The following CRIPT variants were observed in gnomAD, a reference collection of about 807,000 sequenced individuals.
The protein encoded by CRIPT is CXXC repeat containing interactor of PDZ3 domain.
In CRIPT, 20 loss-of-function variants were observed where a neutral mutation model predicts 16.6. The ratio of observed to expected loss-of-function variants is 1.20; its 90% confidence interval spans 0.85 to 1.75. The LOEUF (loss-of-function observed/expected upper bound fraction) is 1.75, where lower values mean the gene tolerates loss of function less well. CRIPT is among the 40% of genes most tolerant of loss of function. The pLI, the probability that CRIPT is intolerant of heterozygous loss-of-function variation, is 0.00. For missense variants in CRIPT, 133 were observed against 115.3 expected (o/e 1.15, Z -0.70); for synonymous variants, 42 against 37.0 (o/e 1.14, Z -0.49).
intron 3 of CRIPT, among the ~76,000 whole-genome samples, 192 bp from the exon 4 acceptor site, chr2:46,623,572 C>G (rs1021168879): frequency 2.0e-5 from 3 of 152,002 alleles, no homozygotes; most frequent in Non-Finnish European, 4.4e-5. Context: ...ATATATCTCA[C>G]ATGGATGGAG....
rs544582374 is a variant in CRIPT, at chr2:46,628,763, A to G, written c.*4536A>G. On this transcript the variant is annotated 3_prime_UTR_variant, in exon 5 of 5. Coordinates refer to ENST00000238892, the MANE Select transcript of CRIPT (RefSeq NM_014171.6). Reference sequence around the variant, plus strand: ...GGTCATAAATTGAATAGAAGTATTTACTAGATGAGGAGGAAAACCCTAAAA... The same window carrying G: ...GGTCATAAATTGAATAGAAGTATTTGCTAGATGAGGAGGAAAACCCTAAAA... Among the ~76,000 whole-genome samples, 31 of 152,360 alleles carry G rather than the reference A, an allele frequency of 2.0e-4. 1 individual carries two copies. The highest frequency in any genetic ancestry group is 7.5e-4 in the African/African-American group (31 of 41,578).
chr2:46,621,171 T>A (rs1670795739), intron 3 of CRIPT, among the ~76,000 whole-genome samples: 1 of 152,212 alleles, frequency 6.6e-6, no homozygotes, highest in Non-Finnish European at 1.5e-5. Flanking sequence ...TTGCTTAAAA[T>A]CCGCCACTGG....
At position 46,627,566 on chromosome 2, in the gene CRIPT, C is replaced by T. The variant is rs1670969992; in HGVS notation, c.*3339C>T. On this transcript the variant is annotated 3_prime_UTR_variant, in exon 5 of 5. Transcript: ENST00000238892. Reference sequence around the variant, plus strand: ...TCAAGCGATTCTCATGCCTCAGCCTCCCAACCTAACTGGGATTACAGGCAC... The same window carrying T: ...TCAAGCGATTCTCATGCCTCAGCCTTCCAACCTAACTGGGATTACAGGCAC... Among the ~76,000 whole-genome samples, 2 of 151,986 alleles carry T rather than the reference C, an allele frequency of 1.3e-5. No homozygotes were observed. The highest frequency in any genetic ancestry group is 2.9e-5 in the Non-Finnish European group (2 of 67,996).
chr2:46,627,234 T>C lies in CRIPT; in HGVS notation c.*3007T>C, dbSNP rs2104181066. Among the ~76,000 whole-genome samples the C allele has an allele frequency of 6.6e-6, 1 of 152,274 alleles. No homozygotes were observed. The highest frequency in any genetic ancestry group is 1.9e-4 in the East Asian group (1 of 5,182). On this transcript the variant is annotated 3_prime_UTR_variant, in exon 5 of 5. Transcript: ENST00000238892. Reference sequence around the variant, plus strand: ...ACAGTTTGTGAATATTCTCTCCCATTCTGTAGGTTGTCTGTTTACTGTATT... The same window carrying C: ...ACAGTTTGTGAATATTCTCTCCCATCCTGTAGGTTGTCTGTTTACTGTATT...
chr2:46,619,346 A>C (rs1670748968), intron 2 of CRIPT, among the ~76,000 whole-genome samples: 1 of 152,170 alleles, frequency 6.6e-6, no homozygotes, highest in African/African-American at 2.4e-5. Flanking sequence ...TGACACTGAT[A>C]TAGTGGCTTC....
intron 3 of CRIPT, among the ~76,000 whole-genome samples, chr2:46,622,027 T>C (rs1370058804): frequency 1.3e-5 from 2 of 152,236 alleles, no homozygotes; most frequent in Non-Finnish European, 2.9e-5. Context: ...GGTACTGTTA[T>C]TTATAAGATG....
chr2:46,619,562 C>A, intron 2 of CRIPT, 65 bp from the exon 3 acceptor site: 1 of 1,120,790 alleles, frequency 8.9e-7, no homozygotes. Context: ...AAGGAATGAA[C>A]TTCTTAATAT....
At position 46,619,634 on chromosome 2, in the gene CRIPT, T is replaced by C. The variant is rs1670756539; in HGVS notation, c.90T>C (p.Gly30=). 1 of 1,610,202 alleles carries C rather than the reference T, an allele frequency of 6.2e-7. No homozygotes were observed. The highest frequency in any genetic ancestry group is 8.5e-7 in the Non-Finnish European group (1 of 1,177,592). ...KDGARNTTES[G]GRKLNENKAL... is the part of the protein sequence containing the mutation. Reference sequence around the variant, plus strand: ...TCTTTTATTCTGATACAGAAAGTGGTGGAAGAAAGCTGAATGAAAATAAAG... The same window carrying C: ...TCTTTTATTCTGATACAGAAAGTGGCGGAAGAAAGCTGAATGAAAATAAAG... Residue 30 remains glycine (G), a synonymous_variant, in exon 3 of 5, where the codon GGT becomes GGC. Coordinates refer to ENST00000238892, the MANE Select transcript of CRIPT (RefSeq NM_014171.6).
chr2:46,628,544 A>G lies in CRIPT; in HGVS notation c.*4317A>G, dbSNP rs573884326. 2.6e-5 allele frequency among the ~76,000 whole-genome samples: 4 copies of G among 152,260 alleles called. No homozygotes were observed. Among genetic ancestry groups the G allele is most frequent in the South Asian group, 2.1e-4 (1 of 4,826 alleles). On this transcript the variant is annotated 3_prime_UTR_variant, in exon 5 of 5. Coordinates refer to ENST00000238892, the MANE Select transcript of CRIPT (RefSeq NM_014171.6). ...GCTCATGAGCTTGGAATGTTTTTCC[A>G]TTTGTTTGTGTCATCTCTGATTTCT... is the stretch of plus-strand genomic sequence containing the variant.
chr2:46,617,261 A>G lies in CRIPT; in HGVS notation c.-22A>G, dbSNP rs1558715995. The G allele has an allele frequency of 1.3e-6, 2 of 1,554,302 alleles. No homozygotes were observed. Among genetic ancestry groups the G allele is most frequent in the East Asian group, 2.4e-5 (1 of 41,840 alleles). On this transcript the variant is annotated 5_prime_UTR_variant, in exon 1 of 5. Coordinates refer to ENST00000238892, the MANE Select transcript of CRIPT (RefSeq NM_014171.6). ...TGCTGCTGCTGCTGCTGTTGCGGCTAGGGGAACCGTCGTGGGGAAGGATGG... is the reference window on the plus strand; with the variant it reads ...TGCTGCTGCTGCTGCTGTTGCGGCTGGGGGAACCGTCGTGGGGAAGGATGG...
intron 3 of CRIPT, among the ~76,000 whole-genome samples, chr2:46,621,464 C>T (rs1670802710): frequency 6.6e-6 from 1 of 152,220 alleles, no homozygotes; most frequent in Non-Finnish European, 1.5e-5. Flanking sequence ...CTAAACTAAT[C>T]TCTTCTTTCC....
chr2:46,618,425 T>C (rs1670720702), intron 1 of CRIPT, among the ~76,000 whole-genome samples: 2 of 152,232 alleles, frequency 1.3e-5, no homozygotes, highest in African/African-American at 4.8e-5. Context: ...CCTTTAAAAT[T>C]GTGTCTGATT....
rs1670963923 is a variant in CRIPT at position 46,627,337 on chromosome 2, C to A, written c.*3110C>A. On this transcript the variant is annotated 3_prime_UTR_variant, in exon 5 of 5. Coordinates refer to ENST00000238892, the MANE Select transcript of CRIPT (RefSeq NM_014171.6). Reference sequence around the variant, plus strand: ...TCAATTTTTGTTTTTGTTGCAATTGCTTTTGAGGACTTAGCCGTAAGTTCT... The same window carrying A: ...TCAATTTTTGTTTTTGTTGCAATTGATTTTGAGGACTTAGCCGTAAGTTCT... Among the ~76,000 whole-genome samples the A allele has an allele frequency of 6.6e-6, 1 of 151,888 alleles. No homozygotes were observed. Among genetic ancestry groups the A allele is most frequent in the South Asian group, 2.1e-4 (1 of 4,812 alleles).
chr2:46,626,953 C>G lies in CRIPT; in HGVS notation c.*2726C>G, dbSNP rs969942907. On this transcript the variant is annotated 3_prime_UTR_variant, in exon 5 of 5. Coordinates refer to ENST00000238892, the MANE Select transcript of CRIPT (RefSeq NM_014171.6). ...GTTCAAGCGATTCTCCTGCCCCAGC[C>G]TCCTGAGTTGCTGGGATTACAGGTG... 6.6e-6 allele frequency among the ~76,000 whole-genome samples: 1 copy of G among 152,154 alleles called. No homozygotes were observed. Among genetic ancestry groups the G allele is most frequent in the African/African-American group, 2.4e-5 (1 of 41,424 alleles).
At position 46,629,018 on chromosome 2, in the gene CRIPT, A is replaced by G. The variant is rs1160500817; in HGVS notation, c.*4791A>G. 6.6e-6 allele frequency among the ~76,000 whole-genome samples: 1 copy of G among 152,244 alleles called. No individual in the cohort carries two copies. Among genetic ancestry groups the G allele is most frequent in the African/African-American group, 2.4e-5 (1 of 41,474 alleles). On this transcript the variant is annotated 3_prime_UTR_variant, in exon 5 of 5. Transcript: ENST00000238892. ...GTAATATAAAAGATACTAGAAACAA[A>G]TGCCAATAGAACACTTAAGTACATT... is the stretch of plus-strand genomic sequence containing the variant.
intron 3 of CRIPT, among the ~76,000 whole-genome samples, chr2:46,623,198 C>G (rs1230675669): frequency 6.6e-6 from 1 of 152,094 alleles, no homozygotes; most frequent in Admixed American, 6.5e-5. Context: ...GGTATTGAAA[C>G]AAAGCCTTTT....
chr2:46,620,444 C>G (rs1670774106), intron 3 of CRIPT, among the ~76,000 whole-genome samples: 1 of 151,942 alleles, frequency 6.6e-6, no homozygotes, highest in South Asian at 2.1e-4. Flanking sequence ...GTGAGAGTCT[C>G]TTTCAGAAAA....
Position 46,627,230 on chromosome 2 carries a change from C to T in CRIPT, c.*3003C>T, listed in dbSNP as rs1462205130. On this transcript the variant is annotated 3_prime_UTR_variant, in exon 5 of 5. Transcript: ENST00000238892. ...ATGCACAGTTTGTGAATATTCTCTCCCATTCTGTAGGTTGTCTGTTTACTG... is the reference window on the plus strand; with the variant it reads ...ATGCACAGTTTGTGAATATTCTCTCTCATTCTGTAGGTTGTCTGTTTACTG... Among the ~76,000 whole-genome samples, 1 of 152,076 alleles carries T rather than the reference C, an allele frequency of 6.6e-6. No homozygotes were observed. Among genetic ancestry groups the T allele is most frequent in the Non-Finnish European group, 1.5e-5 (1 of 68,012 alleles).
In CRIPT at chr2:46,626,097, C is replaced by G. The variant is rs76632700; in HGVS notation, c.*1870C>G. On this transcript the variant is annotated 3_prime_UTR_variant, in exon 5 of 5. Coordinates refer to ENST00000238892, the MANE Select transcript of CRIPT (RefSeq NM_014171.6). The stretch of plus-strand genomic sequence containing the variant: ...GGTGGTTTTTCACCCCTTCCCTCCC[C>G]TCTTCCCTCCAGTAGTCCCCTATGT... Among the ~76,000 whole-genome samples the G allele has an allele frequency of 1.9e-3, 282 of 152,222 alleles. 1 individual carries two copies. Among genetic ancestry groups the G allele is most frequent in the African/African-American group, 6.3e-3 (262 of 41,526 alleles).
Sources: gnomAD v4.1 joint callset for allele counts (sites outside exome capture counted in the v4.1 genomes callset) on GRCh38, gnomAD v4.1.1 for gene constraint, MANE v1.5 for transcripts, NCBI Gene and HGNC (gene_info 2026-07-23, HGNC 2026-07-21) for gene names.